PTPRT: variants seen among roughly 807,000 people sequenced by gnomAD.
PTPRT encodes the protein receptor-type tyrosine-protein phosphatase T.
Under a neutral mutation model 176.8 loss-of-function variants are expected in PTPRT, and 56 were observed. That is an observed-to-expected ratio of 0.32 (90% CI 0.26 to 0.40). PTPRT has a LOEUF of 0.40. Among genes scored for constraint, PTPRT ranks in the 10% least tolerant of loss-of-function variants. The pLI, the probability that PTPRT is intolerant of heterozygous loss-of-function variation, is 1.00. For missense variants in PTPRT, 1,540 were observed against 1,908.2 expected (o/e 0.81, Z 3.60); for synonymous variants, 783 against 739.0 (o/e 1.06, Z -0.96).
At chr20:43,032,549 G>A (rs1282462551) in intron 1 of PTPRT, among the ~76,000 whole-genome samples, 1 of 151,024 alleles carries the variant, frequency 6.6e-6, no homozygotes, top group African/African-American at 2.4e-5. Flanking sequence ...TAATCCAGAA[G>A]GGAGAAGGGA....
rs532409213 is a variant in PTPRT at position 43,178,017 on chromosome 20, C to T, written c.88+11629G>A. ...TGGAAAATTCACCTTGGGAAGTATA[C>T]CCAGAAAAAGTTTATAAAACTTCTG... On this transcript the variant is annotated intron_variant, in intron 1 of 30. Coordinates refer to ENST00000373187, the MANE Select transcript of PTPRT (RefSeq NM_007050.6). Among the ~76,000 whole-genome samples, 91 of 152,222 alleles carry T rather than the reference C, an allele frequency of 6.0e-4. No homozygotes were observed. The South Asian group carries it at 0.016, about 27-fold the overall frequency.
intron 12 of PTPRT, among the ~76,000 whole-genome samples, chr20:42,295,171 C>G (rs1424879328): frequency 1.3e-5 from 2 of 152,158 alleles, no homozygotes; most frequent in African/African-American, 4.8e-5. Context: ...AACTCCAAGA[C>G]ACAGCCTAGT....
chr20:42,498,545 A>G (rs1477778322), intron 7 of PTPRT, among the ~76,000 whole-genome samples: 1 of 152,172 alleles, frequency 6.6e-6, no homozygotes, highest in Non-Finnish European at 1.5e-5. Context: ...AATGGGCCTG[A>G]AAAGCTATCT....
chr20:43,041,398 A>G (rs1254321370), intron 1 of PTPRT, among the ~76,000 whole-genome samples: 1 of 152,254 alleles, frequency 6.6e-6, no homozygotes, highest in Non-Finnish European at 1.5e-5. Flanking sequence ...TATGAAGGTG[A>G]CAACAGAGCA....
chr20:43,129,544 C>A (rs1432468215), intron 1 of PTPRT, among the ~76,000 whole-genome samples: 1 of 151,422 alleles, frequency 6.6e-6, no homozygotes, highest in African/African-American at 2.4e-5. Flanking sequence ...CCCTTCTTAC[C>A]AAACAGAACG....
intron 17 of PTPRT, among the ~76,000 whole-genome samples, chr20:42,158,292 T>G (rs2146490212): frequency 6.6e-6 from 1 of 152,362 alleles, no homozygotes; most frequent in South Asian, 2.1e-4. Flanking sequence ...CTTTGTTTCA[T>G]TCACTGTTGT....
the PTPRT span, among the ~76,000 whole-genome samples, chr20:42,055,133 T>C: frequency 0.048 from 7,264 of 152,072 alleles, 444 homozygotes; most frequent in African/African-American, 0.14. Flanking sequence ...TTTTCGGGAG[T>C]ATTCCAGTGA....
intron 7 of PTPRT, among the ~76,000 whole-genome samples, chr20:42,545,417 A>G (rs552507476): frequency 2.6e-5 from 4 of 152,172 alleles, no homozygotes; most frequent in Non-Finnish European, 4.4e-5. Context: ...ACAAACGGCC[A>G]TTTGCCTGCC....
chr20:42,352,638 A>T (rs2145527884), intron 9 of PTPRT, among the ~76,000 whole-genome samples: 1 of 152,316 alleles, frequency 6.6e-6, no homozygotes, highest in South Asian at 2.1e-4. Context: ...ATAATGAATA[A>T]GATCTTACAT....
the PTPRT span, chr20:42,063,983 A>C: frequency 6.6e-6 from 1 of 151,904 alleles, no homozygotes; most frequent in South Asian, 2.1e-4. Context: ...GAATTGAAAA[A>C]ACTTTGCTTT....
At chr20:43,176,394 C>T (rs946573405) in intron 1 of PTPRT, among the ~76,000 whole-genome samples, 1 of 152,260 alleles carries the variant, frequency 6.6e-6, no homozygotes, top group Non-Finnish European at 1.5e-5. Flanking sequence ...CGCAAACAGA[C>T]ATCACTTTTT....
At chr20:42,657,433 T>C (rs1284969995) in intron 7 of PTPRT, among the ~76,000 whole-genome samples, 1 of 152,164 alleles carries the variant, frequency 6.6e-6, no homozygotes. Context: ...CTGCTTTTAG[T>C]TGTTCGTTCA....
chr20:42,417,877 A>C (rs2059080570), intron 9 of PTPRT, among the ~76,000 whole-genome samples: 1 of 151,968 alleles, frequency 6.6e-6, no homozygotes, highest in Non-Finnish European at 1.5e-5. Flanking sequence ...AGTTGAGATG[A>C]CAGGCATGAG....
At chr20:43,086,359 C>T (rs2011602366) in intron 1 of PTPRT, among the ~76,000 whole-genome samples, 1 of 152,188 alleles carries the variant, frequency 6.6e-6, no homozygotes, top group Non-Finnish European at 1.5e-5. Context: ...ATGTGTAAGC[C>T]CACCCTACAT....
intron 1 of PTPRT, among the ~76,000 whole-genome samples, chr20:43,186,633 A>T (rs1568833580): frequency 6.6e-6 from 1 of 152,244 alleles, no homozygotes; most frequent in Non-Finnish European, 1.5e-5. Context: ...TAAGTTGAGT[A>T]GAAAGAGAGT....
intron 2 of PTPRT, among the ~76,000 whole-genome samples, chr20:42,863,274 C>G (rs1330724661): frequency 6.6e-6 from 1 of 152,136 alleles, no homozygotes; most frequent in Non-Finnish European, 1.5e-5. Context: ...GAATGAAGTG[C>G]CTACAGCAGC....
chr20:42,841,571 T>C (rs1033794528), intron 2 of PTPRT, among the ~76,000 whole-genome samples: 4 of 149,484 alleles, frequency 2.7e-5, no homozygotes, highest in African/African-American at 9.9e-5. Flanking sequence ...TCATAACAGT[T>C]TGCGTCAGGT....
At chr20:43,140,890 T>C (rs999295553) in intron 1 of PTPRT, among the ~76,000 whole-genome samples, 1 of 152,228 alleles carries the variant, frequency 6.6e-6, no homozygotes, top group African/African-American at 2.4e-5. Flanking sequence ...CTAAATTTCT[T>C]ACTTCTTGGA....
intron 2 of PTPRT, among the ~76,000 whole-genome samples, chr20:42,867,600 G>A (rs1412761871): frequency 1.3e-5 from 2 of 151,274 alleles, no homozygotes; most frequent in Non-Finnish European, 2.9e-5. Context: ...ACCAGACACT[G>A]AGCCTGCTGG....
Sources: allele counts gnomAD v4.1 joint callset (sites outside exome capture counted in the v4.1 genomes callset), GRCh38; gene constraint gnomAD v4.1.1; transcripts MANE v1.5; gene names NCBI Gene and HGNC (gene_info 2026-07-23, HGNC 2026-07-21).